ADCY1: variants seen among roughly 807,000 people sequenced by gnomAD.
ADCY1 encodes adenylate cyclase 1, also known as adenylate cyclase type 1.
ADCY1 carries 28 observed loss-of-function variants against 105.4 expected under a neutral mutation model. The ratio of observed to expected loss-of-function variants is 0.27; its 90% CI spans 0.20 to 0.36. The LOEUF is 0.36. Among genes scored for constraint, ADCY1 ranks in the 10% least tolerant of loss-of-function variants. ADCY1 has a pLI of 1.00. For synonymous variants in ADCY1, 655 were observed against 623.8 expected, an observed-to-expected ratio of 1.05 and a Z score of -0.75; for missense variants, 977 against 1,434.2, an observed-to-expected ratio of 0.68 and a Z score of 5.15.
At chr7:45,671,031 CT>C (rs945463681) in intron 8 of ADCY1, among the ~76,000 whole-genome samples, 1 of 152,234 alleles carries the variant, frequency 6.6e-6, no homozygotes, top group African/African-American at 2.4e-5. Flanking sequence ...GGGTTGTAGC[CT>C]GAATTGGCAA....
intron 2 of ADCY1, among the ~76,000 whole-genome samples, chr7:45,605,988 G>C (rs186990529): frequency 8.2e-4 from 125 of 152,318 alleles, no homozygotes; most frequent in African/African-American, 2.8e-3. Flanking sequence ...GGTTGGGAAA[G>C]GGGGGTTGCT....
At chr7:45,632,092 C>A (rs1234315518) in intron 4 of ADCY1, among the ~76,000 whole-genome samples, 1 of 152,032 alleles carries the variant, frequency 6.6e-6, no homozygotes, top group Non-Finnish European at 1.5e-5. Context: ...TACTGAATTC[C>A]CTTTCCAAAA....
At chr7:45,702,515 C>T (rs534707196) in intron 14 of ADCY1, among the ~76,000 whole-genome samples, 139 of 152,378 alleles carry the variant, frequency 9.1e-4, no homozygotes, top group African/African-American at 3.1e-3. Context: ...AATGCTGACA[C>T]ATACTTAGAG....
chr7:45,614,425 A>C (rs563384830), intron 3 of ADCY1, among the ~76,000 whole-genome samples: 1 of 152,232 alleles, frequency 6.6e-6, no homozygotes, highest in African/African-American at 2.4e-5. Context: ...ATCAAAGCAC[A>C]TCAAAGCAAA....
At chr7:45,578,260 C>G (rs761311232) in intron 1 of ADCY1, among the ~76,000 whole-genome samples, 3 of 152,134 alleles carry the variant, frequency 2.0e-5, no homozygotes, top group Admixed American at 2.0e-4. Flanking sequence ...GCAGAGAGGT[C>G]TTTAGGGGAA....
chr7:45,633,086 T>A (rs1306054151), intron 4 of ADCY1, among the ~76,000 whole-genome samples: 1 of 151,966 alleles, frequency 6.6e-6, no homozygotes, highest in Non-Finnish European at 1.5e-5. Flanking sequence ...CCTGGCTAAT[T>A]TTTGTATTTT....
chr7:45,632,661 T>C (rs1323231758), intron 4 of ADCY1, among the ~76,000 whole-genome samples: 1 of 152,174 alleles, frequency 6.6e-6, no homozygotes, highest in African/African-American at 2.4e-5. Context: ...CCTCCTGGGC[T>C]CAAGCAATCC....
chr7:45,601,351 T>G (rs1793231255), intron 2 of ADCY1, among the ~76,000 whole-genome samples: 1 of 152,194 alleles, frequency 6.6e-6, no homozygotes, highest in Non-Finnish European at 1.5e-5. Context: ...GCTCCCTAAC[T>G]GGCTCCAGGC....
chr7:45,596,024 C>T (rs1313694902), intron 2 of ADCY1, among the ~76,000 whole-genome samples: 1 of 152,196 alleles, frequency 6.6e-6, no homozygotes, highest in African/African-American at 2.4e-5. Flanking sequence ...AGGGCCCTGC[C>T]AGCTCTTGGG....
chr7:45,590,955 G>A (rs1172747312), intron 1 of ADCY1, among the ~76,000 whole-genome samples: 3 of 152,126 alleles, frequency 2.0e-5, no homozygotes, highest in Admixed American at 6.5e-5. Context: ...TGTGCTGGGC[G>A]AGGGTCAGGT....
intron 11 of ADCY1, chr7:45,680,266 A>C: frequency 5.1e-6 from 1 of 197,096 alleles, no homozygotes. Flanking sequence ...TTCTGTGTTT[A>C]TGTCACAGAC....
chr7:45,604,458 T>A (rs1793323168), intron 2 of ADCY1, among the ~76,000 whole-genome samples: 1 of 152,240 alleles, frequency 6.6e-6, no homozygotes, highest in Non-Finnish European at 1.5e-5. Flanking sequence ...GAAAGTTTTA[T>A]CTTTTACATT....
chr7:45,654,365 A>AGT (rs901584461), intron 5 of ADCY1, among the ~76,000 whole-genome samples: 5 of 152,236 alleles, frequency 3.3e-5, no homozygotes, highest in Admixed American at 2.6e-4. Context: ...CCTTGCTGGC[A>AGT]GTGTGTATTT....
chr7:45,678,293 C>T lies in ADCY1; in HGVS notation c.1898+30C>T, dbSNP rs781358752. ...GTATTTCTATCAACGAGGTGAGGAA[C>T]TCACCAAGAAGTCCCGGTTTCTGGG... On this transcript the variant is annotated intron_variant, in intron 10 of 19. Coordinates refer to ENST00000297323, the MANE Select transcript of ADCY1 (RefSeq NM_021116.4). 5.6e-6 allele frequency: 9 copies of T among 1,598,886 alleles called. No individual in the cohort carries two copies. In the East Asian group the frequency reaches 1.6e-4, roughly 28 times the overall value.
chr7:45,670,766 A>G (rs1784349689), intron 8 of ADCY1, among the ~76,000 whole-genome samples: 1 of 151,950 alleles, frequency 6.6e-6, no homozygotes, highest in Admixed American at 6.5e-5. Flanking sequence ...TCAGTCCCTG[A>G]CCTGAGGGTA....
In ADCY1 at chr7:45,710,555, G is replaced by C; in HGVS notation, c.2960G>C (p.Gly987Ala). Reference sequence around the variant, plus strand: ...ATCAATGTTGGCCCTGTGGTGGCTGGAGTGATTGGCGCTCGCAGGCCCCAG... The same window carrying C: ...ATCAATGTTGGCCCTGTGGTGGCTGCAGTGATTGGCGCTCGCAGGCCCCAG... ...VGINVGPVVA[G>A]VIGARRPQYD... The change falls in exon 19 of 20, where the codon GGA becomes GCA. Residue 987 changes from glycine (G) to alanine (A), a missense_variant. By Grantham distance (60) the Gly-to-Ala change is moderately conservative. This residue lies in a region of ADCY1 where 152 missense variants were observed against 293.7 expected (regional missense o/e 0.52). Coordinates refer to ENST00000297323, the MANE Select transcript of ADCY1 (RefSeq NM_021116.4). This position sits in a 1 kb window ranked among gnomAD's most constrained non-coding sequence, Gnocchi z 4.7. 1 of 1,614,048 alleles carries C rather than the reference G, an allele frequency of 6.2e-7. No individual in the cohort carries two copies.
chr7:45,619,460 A>C (rs1166866345), intron 3 of ADCY1, among the ~76,000 whole-genome samples: 1 of 152,202 alleles, frequency 6.6e-6, no homozygotes, highest in Admixed American at 6.5e-5. Flanking sequence ...CATATATTGA[A>C]GTGTCACACC....
intron 8 of ADCY1, among the ~76,000 whole-genome samples, chr7:45,665,891 T>C (rs1784238981): frequency 3.3e-5 from 5 of 152,194 alleles, no homozygotes; most frequent in Admixed American, 1.3e-4. Flanking sequence ...TTTTCACAAA[T>C]GTCTTAGTAA....
intron 8 of ADCY1, among the ~76,000 whole-genome samples, chr7:45,666,998 A>G (rs1362582680): frequency 6.6e-6 from 1 of 151,876 alleles, no homozygotes; most frequent in African/African-American, 2.4e-5. Context: ...TTGTAAATTT[A>G]TTTGAGTTCT....
Sources: allele counts gnomAD v4.1 joint callset (sites outside exome capture counted in the v4.1 genomes callset), GRCh38; gene constraint gnomAD v4.1.1; regional missense constraint gnomAD v4.1.1; non-coding constraint Gnocchi (gnomAD v3.1); transcripts MANE v1.5; gene names NCBI Gene and HGNC (gene_info 2026-07-23, HGNC 2026-07-21).